ZMAT4: variants seen among roughly 807,000 people sequenced by gnomAD.
The protein encoded by ZMAT4 is zinc finger matrin-type protein 4.
ZMAT4 carries 17 observed loss-of-function variants against 28.7 expected under a neutral mutation model. The observed-to-expected ratio is 0.59, with a 90% CI of 0.41 to 0.89. The LOEUF (loss-of-function observed/expected upper bound fraction) is 0.89. Among genes scored for constraint, ZMAT4 ranks in the 40% least tolerant of loss-of-function variants. The pLI, the probability that ZMAT4 is intolerant of heterozygous loss-of-function variation, is 0.00. For missense variants in ZMAT4, 240 were observed against 283.8 expected (o/e 0.85, Z 1.11); for synonymous variants, 117 against 109.2 (o/e 1.07, Z -0.44).
chr8:40,561,183 G>A (rs1410934120), intron 6 of ZMAT4, among the ~76,000 whole-genome samples: 2 of 151,854 alleles, frequency 1.3e-5, no homozygotes, highest in African/African-American at 2.4e-5. Flanking sequence ...TCATTTTTCT[G>A]ACAAAAATGG....
chr8:40,729,716 A>G (rs563867173), intron 3 of ZMAT4, among the ~76,000 whole-genome samples: 1 of 151,756 alleles, frequency 6.6e-6, no homozygotes, highest in South Asian at 2.1e-4. Flanking sequence ...CTCCTGCCTC[A>G]GCCTCCTGAG....
intron 2 of ZMAT4, among the ~76,000 whole-genome samples, chr8:40,801,340 T>C (rs1040092340): frequency 3.2e-3 from 178 of 55,800 alleles, no homozygotes; most frequent in African/African-American, 0.015. Flanking sequence ...GATACTTTCT[T>C]TAAAAAAAAA....
chr8:40,760,092 A>G (rs1812863255), intron 3 of ZMAT4, among the ~76,000 whole-genome samples: 1 of 152,086 alleles, frequency 6.6e-6, no homozygotes. Flanking sequence ...AGCTTATGCA[A>G]GAATGCAGAC....
At chr8:40,628,808 AG>A (rs1041343317) in intron 5 of ZMAT4, among the ~76,000 whole-genome samples, 1 of 152,184 alleles carries the variant, frequency 6.6e-6, no homozygotes, top group African/African-American at 2.4e-5. Context: ...AGGCTTAGAC[AG>A]GATGAAAATA....
chr8:40,621,071 C>T (rs1585770533), intron 5 of ZMAT4, among the ~76,000 whole-genome samples: 1 of 152,350 alleles, frequency 6.6e-6, no homozygotes, highest in South Asian at 2.1e-4. Flanking sequence ...TTTCTGGTCT[C>T]TGCCCTTCTA....
At chr8:40,866,395 A>G (rs1278576748) in intron 1 of ZMAT4, among the ~76,000 whole-genome samples, 1 of 152,244 alleles carries the variant, frequency 6.6e-6, no homozygotes, top group Non-Finnish European at 1.5e-5. Flanking sequence ...TTCTGAGCCC[A>G]CTGGCACCCC....
At chr8:40,597,440 T>C (rs1019877614) in intron 5 of ZMAT4, among the ~76,000 whole-genome samples, 1 of 152,210 alleles carries the variant, frequency 6.6e-6, no homozygotes, top group Non-Finnish European at 1.5e-5. Context: ...GCTTCCCCTG[T>C]CTGATCCTGG....
chr8:40,892,327 C>T (rs1313930575), intron 1 of ZMAT4, among the ~76,000 whole-genome samples: 4 of 152,202 alleles, frequency 2.6e-5, no homozygotes, highest in African/African-American at 4.8e-5. Context: ...CTCCTCTCAG[C>T]TCTGGTTTCT....
intron 3 of ZMAT4, among the ~76,000 whole-genome samples, chr8:40,765,201 T>G (rs192779109): frequency 2.1e-4 from 32 of 152,236 alleles, no homozygotes; most frequent in Non-Finnish European, 3.7e-4. Flanking sequence ...AAGACACCAT[T>G]TCTTATTCTC....
chr8:40,697,070 G>C (rs1361586398), intron 4 of ZMAT4, 175 bp downstream of exon 4: 2 of 605,826 alleles, frequency 3.3e-6, no homozygotes, highest in African/African-American at 3.7e-5. Flanking sequence ...TGGTATTTAG[G>C]GGTCTTAGGA....
At chr8:40,759,391 A>G (rs1048698376) in intron 3 of ZMAT4, among the ~76,000 whole-genome samples, 9 of 152,102 alleles carry the variant, frequency 5.9e-5, no homozygotes, top group Non-Finnish European at 1.0e-4. Context: ...GTCATAAGAT[A>G]GTATTACCTT....
At chr8:40,828,348 A>C (rs1383503365) in intron 1 of ZMAT4, among the ~76,000 whole-genome samples, 1 of 152,204 alleles carries the variant, frequency 6.6e-6, no homozygotes, top group African/African-American at 2.4e-5. Context: ...GAAGCACACA[A>C]AAATAGATTC....
chr8:40,781,506 T>C (rs1813822657), intron 2 of ZMAT4, among the ~76,000 whole-genome samples: 1 of 151,970 alleles, frequency 6.6e-6, no homozygotes, highest in African/African-American at 2.4e-5. Flanking sequence ...CTCACGCCTG[T>C]AATCCCAGCA....
intron 5 of ZMAT4, among the ~76,000 whole-genome samples, chr8:40,621,856 A>G (rs1806211949): frequency 6.6e-6 from 1 of 152,220 alleles, no homozygotes; most frequent in Non-Finnish European, 1.5e-5. Context: ...GTTCAAGGCA[A>G]GTTAAATCAC....
intron 2 of ZMAT4, among the ~76,000 whole-genome samples, chr8:40,768,485 A>G (rs1243394381): frequency 6.6e-6 from 1 of 152,172 alleles, no homozygotes; most frequent in Non-Finnish European, 1.5e-5. Context: ...ATCACGTTTA[A>G]AGAATACAGT....
intron 5 of ZMAT4, among the ~76,000 whole-genome samples, chr8:40,648,245 G>A (rs1444168060): frequency 6.6e-6 from 1 of 152,084 alleles, no homozygotes; most frequent in African/African-American, 2.4e-5. Flanking sequence ...TGATGGAGCT[G>A]AAAACCAAGG....
At chr8:40,648,311 A>G (rs1420631405) in intron 5 of ZMAT4, among the ~76,000 whole-genome samples, 1 of 151,514 alleles carries the variant, frequency 6.6e-6, no homozygotes, top group Non-Finnish European at 1.5e-5. Flanking sequence ...ATCAACTGGA[A>G]GAAAGGGTAT....
chr8:40,769,165 G>T (rs1367312214), intron 2 of ZMAT4, among the ~76,000 whole-genome samples: 1 of 152,188 alleles, frequency 6.6e-6, no homozygotes, highest in Non-Finnish European at 1.5e-5. Context: ...ATGTGTAAAA[G>T]TACTGAAATG....
intron 1 of ZMAT4, among the ~76,000 whole-genome samples, chr8:40,888,785 C>G (rs760380409): frequency 1.3e-4 from 20 of 152,346 alleles, no homozygotes; most frequent in Non-Finnish European, 2.4e-4. Flanking sequence ...CTCGGGGGGG[C>G]CCGCAGTACC....
Sources: allele counts gnomAD v4.1 joint callset (sites outside exome capture counted in the v4.1 genomes callset), GRCh38; gene constraint gnomAD v4.1.1; transcripts MANE v1.5; gene names NCBI Gene and HGNC (gene_info 2026-07-23, HGNC 2026-07-21).